Variants in CELF2 observed in about 807,000 individuals in gnomAD.
CELF2 encodes CUG triplet repeat RNA-binding protein 2.
CELF2 carries 8 observed loss-of-function variants against 62.6 expected under a neutral mutation model. That is an observed-to-expected ratio of 0.13 (90% CI 0.07 to 0.23). CELF2 has a LOEUF of 0.23. Ranked by LOEUF, CELF2 falls within the 10% of genes least tolerant of loss-of-function variation. The probability of loss-of-function intolerance (pLI) is 1.00; values close to 1 mark genes in which losing one functional copy is unlikely to be tolerated. For synonymous variants in CELF2, 258 were observed against 250.0 expected (o/e 1.03, Z -0.30); for missense variants, 333 against 671.0 (o/e 0.50, Z 5.56).
intron 1 of CELF2, among the ~76,000 whole-genome samples, chr10:11,009,678 A>C (rs548097221): frequency 2.0e-5 from 3 of 152,120 alleles, no homozygotes; most frequent in African/African-American, 7.2e-5. Flanking sequence ...TTCCAGGTTG[A>C]CCCGCCCATG....
intron 3 of CELF2, among the ~76,000 whole-genome samples, chr10:11,245,330 T>C (rs768509535): frequency 3.3e-5 from 5 of 152,240 alleles, no homozygotes; most frequent in Admixed American, 3.3e-4. Flanking sequence ...ACATCTTGTA[T>C]GTGATCAGAA....
the CELF2 span, among the ~76,000 whole-genome samples, chr10:10,716,546 G>C: frequency 6.6e-6 from 1 of 151,978 alleles, no homozygotes; most frequent in African/African-American, 2.4e-5. Context: ...GTCTCAAAAA[G>C]GGGAAAAAAA....
chr10:10,638,192 G>A, the CELF2 span, among the ~76,000 whole-genome samples: 1 of 152,134 alleles, frequency 6.6e-6, no homozygotes, highest in Non-Finnish European at 1.5e-5. Flanking sequence ...GAGCATCCTT[G>A]ACAATTCTTA....
At chr10:10,769,928 TTGCTGTACC>T in the CELF2 span, among the ~76,000 whole-genome samples, 1 of 152,146 alleles carries the variant, frequency 6.6e-6, no homozygotes, top group Non-Finnish European at 1.5e-5. Flanking sequence ...CTAGACTTAA[TTGCTGTACC>T]ACTGGAGTTG....
chr10:11,054,814 A>AAG (rs1186972921), intron 1 of CELF2, among the ~76,000 whole-genome samples: 1 of 152,176 alleles, frequency 6.6e-6, no homozygotes, highest in Non-Finnish European at 1.5e-5. Context: ...TCCTGGGTTC[A>AAG]AGTGATGCTC....
intron 1 of CELF2, among the ~76,000 whole-genome samples, chr10:10,901,315 G>A (rs143949712): frequency 2.0e-5 from 3 of 152,290 alleles, no homozygotes; most frequent in East Asian, 1.9e-4. Context: ...TTGACACAGA[G>A]ATAGGTTAAT....
In CELF2 at chr10:11,314,854, G is replaced by A. The variant is rs1470743873; in HGVS notation, c.1096+596G>A. 5.6e-6 allele frequency: 1 copy of A among 177,436 alleles called. No homozygotes were observed. The highest frequency in any genetic ancestry group is 1.2e-5 in the Non-Finnish European group (1 of 84,094). 11.0% of individuals were successfully genotyped at this position (177,436 alleles called of 1,614,324 possible). Reference sequence around the variant, plus strand: ...GAGGGGAGAGGAGCCACTGCTGGCAGTGACATGATCAGAATCTTTATTAAG... The same window carrying A: ...GAGGGGAGAGGAGCCACTGCTGGCAATGACATGATCAGAATCTTTATTAAG... On this transcript the variant is annotated intron_variant, in intron 10 of 12. Coordinates refer to ENST00000633077, the MANE Select transcript of CELF2 (RefSeq NM_001326342.2). This position sits in a 1 kb window ranked among gnomAD's most constrained non-coding sequence, Gnocchi z 5.3.
At chr10:10,932,243 G>C (rs139093475) in intron 2 of CELF2, among the ~76,000 whole-genome samples, 248 of 152,304 alleles carry the variant, frequency 1.6e-3, no homozygotes, top group Non-Finnish European at 2.6e-3. Flanking sequence ...TAGCATGGGG[G>C]CTGGACAAGG....
chr10:11,102,017 G>A (rs2051825002), intron 1 of CELF2: 1 of 152,160 alleles, frequency 6.6e-6, no homozygotes, highest in Non-Finnish European at 1.5e-5. Flanking sequence ...TCATATAGAA[G>A]CATCATGGGC....
chr10:11,115,729 A>G (rs2056416731), intron 1 of CELF2, among the ~76,000 whole-genome samples: 1 of 152,208 alleles, frequency 6.6e-6, no homozygotes, highest in Admixed American at 6.5e-5. Context: ...TAAGAAGCAA[A>G]ATACTGAAAT....
chr10:11,041,476 G>A (rs1242249677), intron 1 of CELF2, among the ~76,000 whole-genome samples: 1 of 152,176 alleles, frequency 6.6e-6, no homozygotes, highest in African/African-American at 2.4e-5. Context: ...ACTCTGAGCA[G>A]GTTCACTCAG....
At chr10:11,146,460 T>C (rs1009079670) in intron 1 of CELF2, among the ~76,000 whole-genome samples, 1 of 152,236 alleles carries the variant, frequency 6.6e-6, no homozygotes, top group Non-Finnish European at 1.5e-5. Context: ...TGAGGAAATA[T>C]CTTTGTTATC....
Position 11,318,955 on chromosome 10 carries a change from GC to G in CELF2, c.1097-2231del. The stretch of plus-strand genomic sequence containing the variant: ...CAAGGCATCATGGTGGTGCGATGCT[GC>G]CCACCCCTCCATGGGAACTTGGAGG... On this transcript the variant is annotated intron_variant, in intron 10 of 12. Coordinates refer to ENST00000633077, the MANE Select transcript of CELF2 (RefSeq NM_001326342.2). The surrounding 1 kb of genome is among the most constrained non-coding windows in gnomAD (Gnocchi z 5.4). The G allele has an allele frequency of 2.1e-6, 1 of 471,132 alleles. No homozygotes were observed. The highest frequency in any genetic ancestry group is 3.2e-4 in the Middle Eastern group (1 of 3,078). 29.2% of individuals were successfully genotyped at this position (471,132 alleles called of 1,614,324 possible).
intron 1 of CELF2, among the ~76,000 whole-genome samples, chr10:10,864,964 T>C (rs2060266352): frequency 6.6e-6 from 1 of 152,154 alleles, no homozygotes; most frequent in Non-Finnish European, 1.5e-5. Flanking sequence ...AAAAGAACCT[T>C]GGGTATTTTC....
At chr10:11,065,807 A>T (rs1246018364) in intron 1 of CELF2, among the ~76,000 whole-genome samples, 2 of 152,194 alleles carry the variant, frequency 1.3e-5, no homozygotes, top group African/African-American at 4.8e-5. Flanking sequence ...GGAATAGAGC[A>T]GGGCAAGGAG....
the CELF2 span, among the ~76,000 whole-genome samples, chr10:10,596,437 G>T: frequency 2.0e-5 from 3 of 152,220 alleles, no homozygotes; most frequent in African/African-American, 7.2e-5. Context: ...CCCTTTCAGA[G>T]AACACTGCTT....
chr10:10,863,765 T>A (rs2060188896), intron 1 of CELF2, among the ~76,000 whole-genome samples: 1 of 152,148 alleles, frequency 6.6e-6, no homozygotes, highest in Non-Finnish European at 1.5e-5. Flanking sequence ...GAAACTTAGC[T>A]TGAGCCACTT....
At chr10:10,971,331 C>T (rs1038786435) in intron 2 of CELF2, among the ~76,000 whole-genome samples, 1 of 152,192 alleles carries the variant, frequency 6.6e-6, no homozygotes, top group African/African-American at 2.4e-5. Flanking sequence ...GCTTCAGTGC[C>T]TCTGTTGAGC....
At chr10:11,081,079 G>T (rs1318887351) in intron 1 of CELF2, among the ~76,000 whole-genome samples, 2 of 152,118 alleles carry the variant, frequency 1.3e-5, no homozygotes, top group Admixed American at 1.3e-4. Flanking sequence ...TCTTTAAATG[G>T]TGCTTATTTG....
Sources: allele counts gnomAD v4.1 joint callset (sites outside exome capture counted in the v4.1 genomes callset), GRCh38; gene constraint gnomAD v4.1.1; non-coding constraint Gnocchi (gnomAD v3.1); transcripts MANE v1.5; gene names NCBI Gene and HGNC (gene_info 2026-07-23, HGNC 2026-07-21).